Variants in CCDC171 observed in about 807,000 individuals in gnomAD.
The protein encoded by CCDC171 is coiled-coil domain-containing protein 171.
Under a neutral mutation model 168.2 loss-of-function variants are expected in CCDC171, and 177 were observed. The observed-to-expected ratio is 1.05, with a 90% CI of 0.93 to 1.19. The LOEUF (loss-of-function observed/expected upper bound fraction) is 1.19. Ranked by LOEUF, CCDC171 falls within the 50% of genes most tolerant of loss-of-function variation. The pLI is 0.00. For missense variants in CCDC171, 1,991 were observed against 1,539.0 expected (o/e 1.29, Z -4.91); for synonymous variants, 687 against 540.8 (o/e 1.27, Z -3.75).
intron 6 of CCDC171, among the ~76,000 whole-genome samples, chr9:15,616,772 A>G (rs1587440734): frequency 1.3e-5 from 2 of 152,218 alleles, no homozygotes; most frequent in Admixed American, 1.3e-4. Context: ...ATGTTCTTAA[A>G]AGTGCTTTCA....
At chr9:16,007,806 A>C (rs576874535) in intron 3 of CCDC171, among the ~76,000 whole-genome samples, 46 of 152,164 alleles carry the variant, frequency 3.0e-4, no homozygotes, top group Admixed American at 6.5e-4. Flanking sequence ...TGTTTTGGTA[A>C]CAGTACCATG....
chr9:16,088,286 G>T, the CCDC171 span, among the ~76,000 whole-genome samples: 1 of 152,218 alleles, frequency 6.6e-6, no homozygotes, highest in Non-Finnish European at 1.5e-5. Flanking sequence ...GGCAAAAGCT[G>T]TAAATTTTGC....
At chr9:16,105,315 A>G in the CCDC171 span, among the ~76,000 whole-genome samples, 1 of 152,286 alleles carries the variant, frequency 6.6e-6, no homozygotes, top group Non-Finnish European at 1.5e-5. Context: ...GATGGTACCT[A>G]GGACGCTGGC....
At chr9:15,966,895 GTA>G (rs34017341) in intron 25 of CCDC171, among the ~76,000 whole-genome samples, 75,569 of 149,004 alleles carry the variant, frequency 0.51, 20,248 homozygotes, top group African/African-American at 0.72. Context: ...GTGTGTGTGT[GTA>G]TATATATATA....
At chr9:15,734,516 C>T (rs7028999) in intron 16 of CCDC171, among the ~76,000 whole-genome samples, 71,824 of 151,820 alleles carry the variant, frequency 0.47, 17,351 homozygotes, top group Non-Finnish European at 0.53. Flanking sequence ...CCAGCCTGGG[C>T]GAAACTCCAA....
intron 18 of CCDC171, among the ~76,000 whole-genome samples, chr9:15,760,636 T>G (rs1398296576): frequency 6.6e-6 from 1 of 152,244 alleles, no homozygotes; most frequent in Non-Finnish European, 1.5e-5. Flanking sequence ...GTTTTATTTC[T>G]TTCTTGTGCA....
At chr9:16,000,552 A>G (rs940359641) in intron 3 of CCDC171, among the ~76,000 whole-genome samples, 3 of 152,170 alleles carry the variant, frequency 2.0e-5, no homozygotes, top group Middle Eastern at 3.2e-3. Flanking sequence ...CAGAGAATTG[A>G]GGAGAGGGAA....
the CCDC171 span, among the ~76,000 whole-genome samples, chr9:16,099,539 C>A: frequency 6.6e-6 from 1 of 152,180 alleles, no homozygotes; most frequent in African/African-American, 2.4e-5. Context: ...ATGTCCTTTT[C>A]ATAAGAAAAA....
chr9:15,626,573 A>G (rs961899017), intron 7 of CCDC171, among the ~76,000 whole-genome samples: 2 of 152,170 alleles, frequency 1.3e-5, no homozygotes, highest in Non-Finnish European at 2.9e-5. Context: ...TGAGATAATC[A>G]TGTGGTTTTT....
chr9:15,979,150 G>C (rs1050116411), intron 3 of CCDC171, among the ~76,000 whole-genome samples: 2 of 152,016 alleles, frequency 1.3e-5, no homozygotes, highest in Non-Finnish European at 2.9e-5. Context: ...ATTGACTTTT[G>C]ATTTATTTCC....
chr9:16,102,413 G>A, the CCDC171 span, among the ~76,000 whole-genome samples: 4 of 145,736 alleles, frequency 2.7e-5, no homozygotes, highest in African/African-American at 1.0e-4. Flanking sequence ...AAGTAAACAG[G>A]TCATCTCAGC....
At chr9:15,912,533 C>A (rs1823840806) in intron 24 of CCDC171, among the ~76,000 whole-genome samples, 1 of 152,126 alleles carries the variant, frequency 6.6e-6, no homozygotes, top group South Asian at 2.1e-4. Context: ...TTTGAATACC[C>A]TTTATTTCTT....
intron 6 of CCDC171, among the ~76,000 whole-genome samples, chr9:15,605,353 A>G (rs531803040): frequency 1.3e-5 from 2 of 152,052 alleles, no homozygotes; most frequent in East Asian, 3.9e-4. Context: ...GGCATAGAAA[A>G]GGACTCTGAC....
chr9:15,824,987 ATAT>A (rs2059952656), intron 21 of CCDC171, among the ~76,000 whole-genome samples: 1 of 152,086 alleles, frequency 6.6e-6, no homozygotes, highest in African/African-American at 2.4e-5. Flanking sequence ...TAGAGAAGTA[ATAT>A]TATTGAAGAG....
intron 3 of CCDC171, among the ~76,000 whole-genome samples, chr9:15,572,712 G>A (rs1455950508): frequency 3.9e-5 from 6 of 152,086 alleles, no homozygotes; most frequent in Non-Finnish European, 7.4e-5. Context: ...TGCTGTTATA[G>A]ATATTTTAGA....
intron 24 of CCDC171, among the ~76,000 whole-genome samples, chr9:15,907,741 A>G (rs1281813653): frequency 2.0e-5 from 3 of 152,132 alleles, no homozygotes; most frequent in Non-Finnish European, 4.4e-5. Context: ...ATGGGAGAAA[A>G]TTTTCGCAAT....
rs77471087 is a variant in CCDC171, at chr9:16,025,477, A to C, written n.998+2569A>C. 2.9e-3 allele frequency among the ~76,000 whole-genome samples: 444 copies of C among 152,250 alleles called. 1 individual carries two copies. Among genetic ancestry groups the C allele is most frequent in the African/African-American group, 0.01 (432 of 41,558 alleles). ...TCCTCTCAAAAACAAACAAACAAAC[A>C]AAAAAACTTGGACAGGGATATTGAT... On this transcript the variant is annotated intron_variant and non_coding_transcript_variant, in intron 6 of 9. Coordinates refer to the CCDC171 transcript ENST00000486641.
At chr9:15,866,253 T>C (rs756751925) in intron 23 of CCDC171, among the ~76,000 whole-genome samples, 29 of 151,860 alleles carry the variant, frequency 1.9e-4, no homozygotes, top group Admixed American at 4.6e-4. Context: ...AAATTTGAGC[T>C]CTAGAGAGCA....
At chr9:15,645,772 T>G (rs904736438) in intron 7 of CCDC171, among the ~76,000 whole-genome samples, 1 of 152,156 alleles carries the variant, frequency 6.6e-6, no homozygotes, top group Non-Finnish European at 1.5e-5. Flanking sequence ...TACGTCTGAT[T>G]GGTGTACCTG....
Sources: gnomAD v4.1 joint callset for allele counts (sites outside exome capture counted in the v4.1 genomes callset) on GRCh38, gnomAD v4.1.1 for gene constraint, MANE v1.5 for transcripts, NCBI Gene and HGNC (gene_info 2026-07-23, HGNC 2026-07-21) for gene names.